Variants in DPYSL2 observed in about 807,000 individuals in gnomAD.
DPYSL2 encodes dihydropyrimidinase like 2, also known as dihydropyrimidinase-related protein 2.
DPYSL2 carries 13 observed loss-of-function variants against 69.9 expected under a neutral mutation model. The observed-to-expected ratio is 0.19, with a 90% CI of 0.12 to 0.30. DPYSL2 has a LOEUF of 0.30. Among genes scored for constraint, DPYSL2 ranks in the 10% least tolerant of loss-of-function variants. The pLI is 1.00. For synonymous variants in DPYSL2, 326 were observed against 359.1 expected, an observed-to-expected ratio of 0.91 and a Z score of 1.04; for missense variants, 587 against 918.9, an observed-to-expected ratio of 0.64 and a Z score of 4.67.
Position 26,609,071 on chromosome 8 carries a change from T to C in DPYSL2, c.629-15072T>C, listed in dbSNP as rs1190880362. Among the ~76,000 whole-genome samples, 10 of 152,232 alleles carry C rather than the reference T, an allele frequency of 6.6e-5. No individual in the cohort carries two copies. The highest frequency in any genetic ancestry group is 2.4e-4 in the African/African-American group (10 of 41,460). Reference sequence around the variant, plus strand: ...CTTTTGTACAAGGGTGGAGTGGGTGTCCATTTGCTGACGAGCACCCTGTGT... The same window carrying C: ...CTTTTGTACAAGGGTGGAGTGGGTGCCCATTTGCTGACGAGCACCCTGTGT... On this transcript the variant is annotated intron_variant, in intron 3 of 13. Coordinates refer to ENST00000521913, the MANE Select transcript of DPYSL2 (RefSeq NM_001197293.3). This position sits in a 1 kb window ranked among gnomAD's most constrained non-coding sequence, Gnocchi z 6.5.
At position 26,624,343 on chromosome 8, in the gene DPYSL2, T is replaced by G. The variant is rs1288204785; in HGVS notation, c.793+36T>G. Reference sequence around the variant, plus strand: ...CTGAGTCAATGCCCTCTGCAGATGTTTCCGCTTCAGTCCATCAACTGGCAC... The same window carrying G: ...CTGAGTCAATGCCCTCTGCAGATGTGTCCGCTTCAGTCCATCAACTGGCAC... On this transcript the variant is annotated intron_variant, in intron 4 of 13. Transcript: ENST00000521913. The surrounding 1 kb of genome is among the most constrained non-coding windows in gnomAD (Gnocchi z 4.7). The G allele has an allele frequency of 6.2e-7, 1 of 1,604,568 alleles. No individual in the cohort carries two copies. The highest frequency in any genetic ancestry group is 1.7e-5 in the Admixed American group (1 of 59,614).
chr8:26,552,939 ACAAGTTACTAATAT>A (rs1800893162), intron 1 of DPYSL2, among the ~76,000 whole-genome samples: 1 of 152,208 alleles, frequency 6.6e-6, no homozygotes, highest in Non-Finnish European at 1.5e-5. Context: ...GAGAGAAGAC[ACAAGTTACTAATAT>A]CAGAAATGAA....
Position 26,647,256 on chromosome 8 carries a change from A to T in DPYSL2, c.1426-374A>T, listed in dbSNP as rs987053833. Reference sequence around the variant, plus strand: ...AAACCAGGACACTGACAGTGTCACAATGTGTGGGTATAGCTCTAGGCTGTG... The same window carrying T: ...AAACCAGGACACTGACAGTGTCACATTGTGTGGGTATAGCTCTAGGCTGTG... On this transcript the variant is annotated intron_variant, in intron 10 of 13. Coordinates refer to ENST00000521913, the MANE Select transcript of DPYSL2 (RefSeq NM_001197293.3). This position sits in a 1 kb window ranked among gnomAD's most constrained non-coding sequence, Gnocchi z 5.1. 2.0e-5 allele frequency among the ~76,000 whole-genome samples: 3 copies of T among 152,220 alleles called. No individual in the cohort carries two copies. Among genetic ancestry groups the T allele is most frequent in the African/African-American group, 7.2e-5 (3 of 41,450 alleles).
chr8:26,591,508 T>C lies in DPYSL2; in HGVS notation c.628+7525T>C, dbSNP rs1371924052. Among the ~76,000 whole-genome samples, 2 of 152,220 alleles carry C rather than the reference T, an allele frequency of 1.3e-5. No individual in the cohort carries two copies. Among genetic ancestry groups the C allele is most frequent in the Non-Finnish European group, 2.9e-5 (2 of 68,040 alleles). On this transcript the variant is annotated intron_variant, in intron 3 of 13. Coordinates refer to ENST00000521913, the MANE Select transcript of DPYSL2 (RefSeq NM_001197293.3). This position sits in a 1 kb window ranked among gnomAD's most constrained non-coding sequence, Gnocchi z 5.8. ...TCTCCATTTTCCTAAGGCCCCTGCA[T>C]GCCTGGAGCTGGCTGTGGGGGCAGC... is the stretch of plus-strand genomic sequence containing the variant.
rs1190202466 is a variant in DPYSL2 at position 26,654,495 on chromosome 8, C to T, written c.1942+1098C>T. ...GTCCCATATATGGATTACCAGTTTT[C>T]AAAACATTTAAAAATAAGGAACTTT... On this transcript the variant is annotated intron_variant, in intron 13 of 13. Coordinates refer to ENST00000521913, the MANE Select transcript of DPYSL2 (RefSeq NM_001197293.3). This position sits in a 1 kb window ranked among gnomAD's most constrained non-coding sequence, Gnocchi z 5.0. Among the ~76,000 whole-genome samples, 2 of 152,018 alleles carry T rather than the reference C, an allele frequency of 1.3e-5. No homozygotes were observed. Among genetic ancestry groups the T allele is most frequent in the East Asian group, 3.9e-4 (2 of 5,194 alleles).
chr8:26,542,951 A>G (rs1302883226), intron 1 of DPYSL2, among the ~76,000 whole-genome samples: 4 of 152,220 alleles, frequency 2.6e-5, no homozygotes, highest in African/African-American at 9.7e-5. Flanking sequence ...TTAAAATTCC[A>G]AAGTGATATG....
At chr8:26,636,431 GC>G (rs2129948534) in intron 8 of DPYSL2, among the ~76,000 whole-genome samples, 1 of 152,326 alleles carries the variant, frequency 6.6e-6, no homozygotes, top group East Asian at 1.9e-4. Context: ...TTACTACTGC[GC>G]TGTACCTAGA....
intron 3 of DPYSL2, among the ~76,000 whole-genome samples, chr8:26,595,030 A>G (rs1280100101): frequency 2.0e-5 from 3 of 152,074 alleles, no homozygotes; most frequent in Non-Finnish European, 2.9e-5. Context: ...ACCAAAATCA[A>G]TCAATCAATC....
chr8:26,528,584 T>C (rs10090661), intron 1 of DPYSL2, among the ~76,000 whole-genome samples: 90,397 of 150,346 alleles, frequency 0.6, 29,562 homozygotes, highest in East Asian at 0.9. Context: ...TGGGTGGAGG[T>C]TGCAGTGAGC....
In DPYSL2 at chr8:26,641,528, T is replaced by C. The variant is rs886214055; in HGVS notation, c.1127-1911T>C. On this transcript the variant is annotated intron_variant, in intron 8 of 13. Coordinates refer to ENST00000521913, the MANE Select transcript of DPYSL2 (RefSeq NM_001197293.3). This position sits in a 1 kb window ranked among gnomAD's most constrained non-coding sequence, Gnocchi z 4.1. ...AGCCATTTGCATTTTATAAAGGTCT[T>C]TGGCAGCGGCCAAGGCCTTCTCATT... Among the ~76,000 whole-genome samples, 3 of 152,234 alleles carry C rather than the reference T, an allele frequency of 2.0e-5. No individual in the cohort carries two copies. Among genetic ancestry groups the C allele is most frequent in the East Asian group, 1.9e-4 (1 of 5,186 alleles).
At chr8:26,553,724 C>T (rs946768920) in intron 1 of DPYSL2, among the ~76,000 whole-genome samples, 5 of 151,918 alleles carry the variant, frequency 3.3e-5, no homozygotes, top group African/African-American at 1.2e-4. Flanking sequence ...ATTTATATTC[C>T]TTTGGGTATA....
At chr8:26,584,132 T>C in intron 3 of DPYSL2, 149 bp downstream of exon 3, 1 of 753,480 alleles carries the variant, frequency 1.3e-6, no homozygotes, top group Non-Finnish European at 2.1e-6. Context: ...GTTAACCATT[T>C]GTCTTATTTA....
rs762997682 is a variant in DPYSL2 at position 26,627,281 on chromosome 8, G to A, written c.922G>A (p.Asp308Asn). Reference sequence around the variant, plus strand: ...AGCCCAAGTCCACGCAGAAAATGGCGACATCATTGCAGAGGTACAGGGCTT... The same window carrying A: ...AGCCCAAGTCCACGCAGAAAATGGCAACATCATTGCAGAGGTACAGGGCTT... ...AIAQVHAENGDIIAEEQQRIL... is the reference protein window; with the variant it reads ...AIAQVHAENGNIIAEEQQRIL... Residue 308 changes from aspartate (D) to asparagine (N), a missense_variant, in exon 6 of 14, where the codon GAC (aspartate) becomes AAC (asparagine). Around this residue, in one of 3 missense-constraint regions of DPYSL2, gnomAD observed 452 missense variants for 754.3 expected, o/e 0.60. Coordinates refer to ENST00000521913, the MANE Select transcript of DPYSL2 (RefSeq NM_001197293.3). This position sits in a 1 kb window ranked among gnomAD's most constrained non-coding sequence, Gnocchi z 6.9. 2.5e-6 allele frequency: 4 copies of A among 1,614,188 alleles called. No homozygotes were observed. The highest frequency in any genetic ancestry group is 4.5e-5 in the East Asian group (2 of 44,868).
In DPYSL2 at chr8:26,648,977, C is replaced by CATA. The variant is rs1803228680; in HGVS notation, c.1596+1178_1596+1179insTAA. On this transcript the variant is annotated intron_variant, in intron 11 of 13. Transcript: ENST00000521913. The surrounding 1 kb of genome is among the most constrained non-coding windows in gnomAD (Gnocchi z 4.3). ...CGCAGCCTTATGATCGCGCCCCTTA[C>CATA]AGCCCAGATCATGACTTCTTGGGTG... is the stretch of plus-strand genomic sequence containing the variant. 6.6e-6 allele frequency among the ~76,000 whole-genome samples: 1 copy of CATA among 152,250 alleles called. No homozygotes were observed. The highest frequency in any genetic ancestry group is 6.5e-5 in the Admixed American group (1 of 15,288).
chr8:26,621,007 C>G lies in DPYSL2; in HGVS notation c.629-3136C>G, dbSNP rs960356026. ...CATACATACACATACATACATGCCTCTTTCCTGATTTTATTTTACCATTAT... is the reference window on the plus strand; with the variant it reads ...CATACATACACATACATACATGCCTGTTTCCTGATTTTATTTTACCATTAT... On this transcript the variant is annotated intron_variant, in intron 3 of 13. Coordinates refer to ENST00000521913, the MANE Select transcript of DPYSL2 (RefSeq NM_001197293.3). This position sits in a 1 kb window ranked among gnomAD's most constrained non-coding sequence, Gnocchi z 4.9. Among the ~76,000 whole-genome samples the G allele has an allele frequency of 6.6e-6, 1 of 152,156 alleles. No homozygotes were observed. The highest frequency in any genetic ancestry group is 2.4e-5 in the African/African-American group (1 of 41,436).
chr8:26,527,862 G>A (rs1308896945), intron 1 of DPYSL2, among the ~76,000 whole-genome samples: 1 of 146,258 alleles, frequency 6.8e-6, no homozygotes, highest in Non-Finnish European at 1.5e-5. Context: ...GAGTATAGTG[G>A]CGGGATCTGG....
intron 7 of DPYSL2, among the ~76,000 whole-genome samples, chr8:26,629,725 C>G (rs772796193): frequency 6.6e-5 from 10 of 152,226 alleles, no homozygotes; most frequent in Non-Finnish European, 1.2e-4. Flanking sequence ...CGACCATAAA[C>G]ATGCCTGAGG....
chr8:26,619,631 G>A lies in DPYSL2; in HGVS notation c.629-4512G>A, dbSNP rs1466458914. On this transcript the variant is annotated intron_variant, in intron 3 of 13. Coordinates refer to ENST00000521913, the MANE Select transcript of DPYSL2 (RefSeq NM_001197293.3). The surrounding 1 kb of genome is among the most constrained non-coding windows in gnomAD (Gnocchi z 4.8). ...GTTCAAGGCAGACTCAGTAGCTCCC[G>A]GGTTGCTTAGTAGAAATGCAGATTA... is the stretch of plus-strand genomic sequence containing the variant. The A allele has an allele frequency of 1.3e-5, 2 of 152,196 alleles. No individual in the cohort carries two copies. The highest frequency in any genetic ancestry group is 2.9e-5 in the Non-Finnish European group (2 of 68,052). 9.4% of individuals were successfully genotyped at this position (152,196 alleles called of 1,614,324 possible).
intron 1 of DPYSL2, among the ~76,000 whole-genome samples, chr8:26,555,428 C>T (rs1317476861): frequency 6.6e-6 from 1 of 152,050 alleles, no homozygotes; most frequent in Non-Finnish European, 1.5e-5. Flanking sequence ...GGTTATTGTA[C>T]AAAAGCCAAT....
Sources: gnomAD v4.1 joint callset for allele counts (sites outside exome capture counted in the v4.1 genomes callset) on GRCh38, gnomAD v4.1.1 for gene constraint, gnomAD v4.1.1 regional missense constraint, Gnocchi (gnomAD v3.1) non-coding constraint, MANE v1.5 for transcripts, NCBI Gene and HGNC (gene_info 2026-07-23, HGNC 2026-07-21) for gene names.